Variants in NCOR2 observed in about 807,000 individuals in gnomAD.
NCOR2 encodes the protein nuclear receptor corepressor 2.
Under a neutral mutation model 262.9 loss-of-function variants are expected in NCOR2, and 81 were observed. The observed-to-expected ratio is 0.31, with a 90% CI of 0.26 to 0.37. The LOEUF is 0.37. Among genes scored for constraint, NCOR2 ranks in the 10% least tolerant of loss-of-function variants. The pLI is 1.00. For missense variants in NCOR2, 3,385 were observed against 3,621.4 expected, an observed-to-expected ratio of 0.93 and a Z score of 1.68; for synonymous variants, 1,659 against 1,559.3, an observed-to-expected ratio of 1.06 and a Z score of -1.51.
intron 34 of NCOR2, 136 bp downstream of exon 36, chr12:124,341,687 A>T: frequency 7.4e-7 from 1 of 1,346,910 alleles, no homozygotes; most frequent in Non-Finnish European, 1.0e-6. Context: ...ACCCCAGGCC[A>T]CCCACTCAGG....
In NCOR2 at chr12:124,360,426, C is replaced by T. The variant is rs546350250; in HGVS notation, c.3100+1700G>A. ...CCTGTGCGGTTCAGGCAGCCTCTGT[C>T]GCCTGCCAAGAGCTGCGCTGTGACC... On this transcript the variant is annotated intron_variant, in intron 22 of 46. Coordinates refer to ENST00000405201, the Ensembl canonical transcript of NCOR2. Among the ~76,000 whole-genome samples the T allele has an allele frequency of 5.9e-5, 9 of 152,366 alleles. No individual in the cohort carries two copies. In the South Asian group the frequency reaches 6.2e-4, roughly 11 times the overall value.
intron 16 of NCOR2, 32 bp from the exon 19 acceptor site, chr12:124,385,919 G>A (rs761650067): frequency 8.1e-6 from 13 of 1,603,596 alleles, no homozygotes; most frequent in Admixed American, 1.7e-5. Context: ...GTGAGAAGAG[G>A]CCAGGCCCGG....
At chr12:124,450,814 T>C (rs1002418765) in intron 6 of NCOR2, among the ~76,000 whole-genome samples, 3 of 152,252 alleles carry the variant, frequency 2.0e-5, no homozygotes, top group South Asian at 4.1e-4. Context: ...ACTTTCTAGC[T>C]GGGTCTCCCT....
At chr12:124,359,515 A>G (rs1304504923) in intron 22 of NCOR2, among the ~76,000 whole-genome samples, 1 of 152,224 alleles carries the variant, frequency 6.6e-6, no homozygotes, top group East Asian at 1.9e-4. Flanking sequence ...GGGGGCACAG[A>G]TGCAGGGGAA....
At chr12:124,459,840 CA>C (rs2046071313) in intron 5 of NCOR2, among the ~76,000 whole-genome samples, 1 of 152,202 alleles carries the variant, frequency 6.6e-6, no homozygotes, top group Admixed American at 6.5e-5. Context: ...TCGCCAGGGT[CA>C]ACAGGGTCCC....
intron 20 of NCOR2, among the ~76,000 whole-genome samples, chr12:124,367,623 T>A (rs1412609396): frequency 6.6e-6 from 1 of 152,122 alleles, no homozygotes; most frequent in Non-Finnish European, 1.5e-5. Flanking sequence ...CTTCTTTGTT[T>A]TATTTTATTT....
chr12:124,447,958 A>G (rs1041170837), intron 7 of NCOR2, among the ~76,000 whole-genome samples: 1 of 152,222 alleles, frequency 6.6e-6, no homozygotes, highest in African/African-American at 2.4e-5. Flanking sequence ...TGCTCGGATT[A>G]TAGGCATGAG....
At chr12:124,438,186 G>A (rs1388204688) in intron 7 of NCOR2, among the ~76,000 whole-genome samples, 190 bp from the exon 10 acceptor site, 12 of 152,072 alleles carry the variant, frequency 7.9e-5, no homozygotes, top group Non-Finnish European at 1.8e-4. Flanking sequence ...TCCCCCGCGC[G>A]CGAGGCAGCC....
intron 27 of NCOR2, among the ~76,000 whole-genome samples, chr12:124,351,681 G>A (rs1245336508): frequency 1.3e-5 from 2 of 152,204 alleles, no homozygotes; most frequent in African/African-American, 4.8e-5. Context: ...GAAGCAGAAT[G>A]TTGGGTGTCA....
At chr12:124,335,172 C>T (rs2035775110) in exon 40 of NCOR2, 2 of 1,611,760 alleles carry the variant, frequency 1.2e-6, no homozygotes, top group African/African-American at 1.3e-5. Context: ...CCGCTGGTGA[C>T]CTTTGACCCC....
intron 1 of NCOR2, among the ~76,000 whole-genome samples, chr12:124,545,038 G>A (rs111767584): frequency 6.6e-6 from 1 of 152,082 alleles, no homozygotes; most frequent in Non-Finnish European, 1.5e-5. Context: ...ATGATGCCAG[G>A]GGCTACTCTG....
At chr12:124,430,822 C>A (rs760869374) in intron 8 of NCOR2, 35 bp from the exon 11 acceptor site, 3 of 1,564,918 alleles carry the variant, frequency 1.9e-6, no homozygotes, top group Non-Finnish European at 2.6e-6. Flanking sequence ...GGAAGATGCT[C>A]CTGCACCTGG....
intron 6 of NCOR2, among the ~76,000 whole-genome samples, chr12:124,455,851 A>G (rs2045817700): frequency 1.3e-5 from 2 of 152,162 alleles, no homozygotes; most frequent in South Asian, 4.1e-4. Context: ...CTGAGTTTAG[A>G]TTGAGGCTCT....
At chr12:124,346,746 G>C in exon 31 of NCOR2, 1 of 1,559,130 alleles carries the variant, frequency 6.4e-7, no homozygotes, top group Non-Finnish European at 8.7e-7. Flanking sequence ...GCCTCGGTCA[G>C]GTCCCGTGAG....
chr12:124,341,807 C>G lies in NCOR2; in HGVS notation c.5188+16G>C. On this transcript the variant is annotated intron_variant, in intron 34 of 46. Coordinates refer to ENST00000405201, the Ensembl canonical transcript of NCOR2. ...TAAGGCCAAACCCAGCGGAGGTGGTCTGCCCACCCACTCACCTCGGGGACC... is the reference window on the plus strand; with the variant it reads ...TAAGGCCAAACCCAGCGGAGGTGGTGTGCCCACCCACTCACCTCGGGGACC... 6.3e-7 allele frequency: 1 copy of G among 1,587,478 alleles called. No homozygotes were observed. The highest frequency in any genetic ancestry group is 8.6e-7 in the Non-Finnish European group (1 of 1,169,432).
chr12:124,469,865 G>T (rs571888226), intron 4 of NCOR2, among the ~76,000 whole-genome samples: 1 of 152,130 alleles, frequency 6.6e-6, no homozygotes, highest in Non-Finnish European at 1.5e-5. Flanking sequence ...TTTAAAGGAA[G>T]ATAAAAAAGG....
At position 124,333,121 on chromosome 12, in the gene NCOR2, C is replaced by T; in HGVS notation, c.6755+9G>A. 1 of 1,594,556 alleles carries T rather than the reference C, an allele frequency of 6.3e-7. No homozygotes were observed. Among genetic ancestry groups the T allele is most frequent in the Non-Finnish European group, 8.6e-7 (1 of 1,168,956 alleles). On this transcript the variant is annotated intron_variant, in intron 42 of 46. Coordinates refer to ENST00000405201, the Ensembl canonical transcript of NCOR2. Reference sequence around the variant, plus strand: ...ATCCCGGGGGCAGCGCATGTGCCCACAGAAGTACCTGGGCTCCGTCTGTTC... The same window carrying T: ...ATCCCGGGGGCAGCGCATGTGCCCATAGAAGTACCTGGGCTCCGTCTGTTC...
chr12:124,533,504 T>C (rs1179461946), intron 1 of NCOR2, among the ~76,000 whole-genome samples: 1 of 151,876 alleles, frequency 6.6e-6, no homozygotes, highest in Non-Finnish European at 1.5e-5. Context: ...CTTCACCACT[T>C]GTTCCTCAGC....
intron 4 of NCOR2, among the ~76,000 whole-genome samples, chr12:124,470,002 C>CA (rs566931209): frequency 2.0e-3 from 305 of 151,956 alleles, no homozygotes; most frequent in Admixed American, 4.1e-3. Flanking sequence ...CCCATCTCTA[C>CA]AAAAAACACA....
Sources: gnomAD v4.1 joint callset for allele counts (sites outside exome capture counted in the v4.1 genomes callset) on GRCh38, gnomAD v4.1.1 for gene constraint, MANE v1.5 for transcripts, NCBI Gene and HGNC (gene_info 2026-07-23, HGNC 2026-07-21) for gene names.